The following KIDINS220 variants were observed in gnomAD, a reference collection of about 807,000 sequenced individuals.
KIDINS220 encodes the protein kinase D interacting substrate 220.
KIDINS220 carries 63 observed loss-of-function variants against 157.6 expected under a neutral mutation model. The ratio of observed to expected loss-of-function variants is 0.40; its 90% CI spans 0.33 to 0.49. KIDINS220 has a LOEUF of 0.49. KIDINS220 is among the 20% of genes least tolerant of loss of function. The pLI, the probability that KIDINS220 is intolerant of heterozygous loss-of-function variation, is 0.66. For missense variants in KIDINS220, 1,772 were observed against 2,171.2 expected (o/e 0.82, Z 3.65); for synonymous variants, 732 against 783.6 (o/e 0.93, Z 1.10).
At chr2:8,821,325 C>T (rs78678891) in intron 2 of KIDINS220, among the ~76,000 whole-genome samples, 9,625 of 151,410 alleles carry the variant, frequency 0.064, 976 homozygotes, top group African/African-American at 0.22. Context: ...GGGCTTGTTG[C>T]GGGTGGCAAT....
At chr2:8,734,472 G>A (rs1664593281) in intron 28 of KIDINS220, among the ~76,000 whole-genome samples, 183 bp downstream of exon 28, 1 of 152,228 alleles carries the variant, frequency 6.6e-6, no homozygotes, top group Middle Eastern at 3.4e-3. Context: ...GCTGCTGTGT[G>A]TATTTTCCAC....
Position 8,734,764 on chromosome 2 carries a change from A to G in KIDINS220, c.3718-11T>C, listed in dbSNP as rs984192913. On this transcript the variant is annotated splice_polypyrimidine_tract_variant and intron_variant, in intron 27 of 29. Coordinates refer to ENST00000256707, the MANE Select transcript of KIDINS220 (RefSeq NM_020738.4). The stretch of plus-strand genomic sequence containing the variant: ...GCCATTTATGTTTGCCTGAGTAAAA[A>G]TTAAAACAATTATGGGTATAAAGAC... 1 of 1,565,374 alleles carries G rather than the reference A, an allele frequency of 6.4e-7. No homozygotes were observed. The highest frequency in any genetic ancestry group is 2.2e-5 in the East Asian group (1 of 44,624).
At chr2:8,722,505 T>A (rs896519350), downstream of KIDINS220, 6 of 152,164 alleles carry the variant, frequency 3.9e-5, no homozygotes, top group Non-Finnish European at 7.3e-5. Flanking sequence ...CAGGAACACA[T>A]CCTGCCACAT....
At position 8,806,352 on chromosome 2, in the gene KIDINS220, T is replaced by A; in HGVS notation, c.522A>T (p.Leu174Phe). 1 of 1,607,742 alleles carries A rather than the reference T, an allele frequency of 6.2e-7. No homozygotes were observed. ...NCSDKYGTTP[L>F]VWAARKGHLE... is the part of the protein sequence containing the mutation. ...AATGACCCTTTCGTGCAGCCCAAACTAAAGGGGTGGTTCCATACTATTAAA... is the reference window on the plus strand; with the variant it reads ...AATGACCCTTTCGTGCAGCCCAAACAAAAGGGGTGGTTCCATACTATTAAA... The change falls in exon 7 of 30, where the codon TTA (leucine) becomes TTT (phenylalanine). Residue 174 changes from leucine to phenylalanine, a missense_variant. Around this residue, in one of 3 missense-constraint regions of KIDINS220, gnomAD observed 254 missense variants for 268.6 expected, o/e 0.95. Transcript: ENST00000256707.
Position 8,731,346 on chromosome 2 carries a change from T to C in KIDINS220, c.4690A>G (p.Arg1564Gly). 1 of 1,614,248 alleles carries C rather than the reference T, an allele frequency of 6.2e-7. No individual in the cohort carries two copies. The highest frequency in any genetic ancestry group is 8.5e-7 in the Non-Finnish European group (1 of 1,180,036). The change falls in exon 30 of 30, where the codon AGA becomes GGA. Residue 1564 changes from arginine (R) to glycine (G), a missense_variant. Physicochemically the swap from Arg to Gly is moderately radical, Grantham distance 125. Transcript: ENST00000256707. The surrounding 1 kb of genome is among the most constrained non-coding windows in gnomAD (Gnocchi z 5.2). ...TACTCTTTGGCTTTAATGAAGGTTC[T>C]GATCGGCTCAGCACTGTGTTCTGGA... The part of the protein sequence containing the change: ...KSPEHSAEPI[R>G]TFIKAKEYLS...
chr2:8,831,007 C>A (rs1446445748), intron 1 of KIDINS220, among the ~76,000 whole-genome samples: 3 of 152,216 alleles, frequency 2.0e-5, no homozygotes, highest in Non-Finnish European at 4.4e-5. Context: ...TCTCTCCAGG[C>A]CTGCCACCTG....
Position 8,770,789 on chromosome 2 carries a change from C to A in KIDINS220, c.2892G>T (p.Arg964Ser), listed in dbSNP as rs754741657. The change falls in exon 22 of 30, where the codon AGG becomes AGT. Residue 964 changes from arginine to serine, a missense_variant. By Grantham distance (110) the Arg-to-Ser change is moderately radical (BLOSUM62 -1). Around this residue, in one of 3 missense-constraint regions of KIDINS220, gnomAD observed 725 missense variants for 1,017.1 expected, o/e 0.71. Coordinates refer to ENST00000256707, the MANE Select transcript of KIDINS220 (RefSeq NM_020738.4). ...RANQISFNWD[R>S]LASWINLTEQ... ...CAGTAAGGTTGATCCAGCTAGCAAG[C>A]CTGTCCCAGTTGAAACTAATCTGAT... is the stretch of plus-strand genomic sequence containing the variant. 1 of 1,611,660 alleles carries A rather than the reference C, an allele frequency of 6.2e-7. No homozygotes were observed.
intron 26 of KIDINS220, among the ~76,000 whole-genome samples, chr2:8,745,083 A>G (rs1666355559): frequency 1.3e-5 from 2 of 152,206 alleles, no homozygotes; most frequent in African/African-American, 2.4e-5. Context: ...CCCTAAAAGA[A>G]ACTACAGACA....
At chr2:8,761,783 A>T (rs1572543775) in intron 22 of KIDINS220, among the ~76,000 whole-genome samples, 1 of 152,230 alleles carries the variant, frequency 6.6e-6, no homozygotes, top group East Asian at 1.9e-4. Context: ...AATATTGCTA[A>T]CAGGAGCCAC....
intron 1 of KIDINS220, among the ~76,000 whole-genome samples, chr2:8,834,929 A>G (rs192163951): frequency 5.3e-5 from 8 of 152,230 alleles, no homozygotes; most frequent in African/African-American, 1.9e-4. Flanking sequence ...GCAGACTCAA[A>G]CTCCTGGACT....
rs1437327249 is a variant in KIDINS220, at chr2:8,733,530, G to A, written c.3967C>T (p.Pro1323Ser). The change falls in exon 29 of 30, where the codon CCC becomes TCC. Residue 1323 changes from proline (P) to serine (S), a missense_variant. By Grantham distance (74) the Pro-to-Ser change is moderately conservative. Around this residue, in one of 3 missense-constraint regions of KIDINS220, gnomAD observed 793 missense variants for 885.5 expected, o/e 0.90. Coordinates refer to ENST00000256707, the MANE Select transcript of KIDINS220 (RefSeq NM_020738.4). The stretch of plus-strand genomic sequence containing the variant: ...TCGAAGCTGAAGTTGAGTGTGTAGG[G>A]CGTCTGGCTGGAGAGCTCGGTGTGA... Reference protein sequence around the residue: ...LPHTELSSQTPYTLNFSFEEL... With the variant: ...LPHTELSSQTSYTLNFSFEEL... The A allele has an allele frequency of 6.2e-7, 1 of 1,614,026 alleles. No homozygotes were observed. Among genetic ancestry groups the A allele is most frequent in the East Asian group, 2.2e-5 (1 of 44,898 alleles).
chr2:8,794,109 C>T, intron 11 of KIDINS220, 122 bp from the exon 12 acceptor site: 2 of 680,502 alleles, frequency 2.9e-6, no homozygotes, highest in Non-Finnish European at 2.3e-6. Flanking sequence ...TCATATAAAG[C>T]ACATATATAA....
intron 10 of KIDINS220, among the ~76,000 whole-genome samples, chr2:8,797,383 G>A (rs914378812): frequency 6.6e-6 from 1 of 152,212 alleles, no homozygotes; most frequent in Non-Finnish European, 1.5e-5. Flanking sequence ...AACAAGAAGA[G>A]ACCACAATTC....
At chr2:8,826,505 G>A (rs1161800787) in intron 2 of KIDINS220, among the ~76,000 whole-genome samples, 1 of 152,218 alleles carries the variant, frequency 6.6e-6, no homozygotes. Flanking sequence ...CTACTAGGGA[G>A]GCTGAGGCAG....
intron 22 of KIDINS220, among the ~76,000 whole-genome samples, chr2:8,762,561 C>T (rs903281081): frequency 2.6e-5 from 4 of 152,078 alleles, no homozygotes; most frequent in Non-Finnish European, 5.9e-5. Context: ...CACAGTGAAA[C>T]CCCGTCTCTA....
intron 24 of KIDINS220, among the ~76,000 whole-genome samples, chr2:8,748,814 T>G (rs1666921442): frequency 6.6e-6 from 1 of 152,196 alleles, no homozygotes; most frequent in African/African-American, 2.4e-5. Context: ...CTGTAAATGT[T>G]TTTAAAAATG....
chr2:8,797,145 G>A (rs1384485544), intron 10 of KIDINS220, among the ~76,000 whole-genome samples: 1 of 152,114 alleles, frequency 6.6e-6, no homozygotes, highest in Non-Finnish European at 1.5e-5. Flanking sequence ...CCTACCCCAG[G>A]TTCTACCACT....
intron 6 of KIDINS220, among the ~76,000 whole-genome samples, chr2:8,807,051 C>G (rs1675546819): frequency 6.6e-6 from 1 of 152,188 alleles, no homozygotes; most frequent in Admixed American, 6.5e-5. Context: ...ACTAAAGTGG[C>G]CTAACCACTT....
In KIDINS220 at chr2:8,788,731, A is replaced by G. The variant is rs761237139; in HGVS notation, c.1703T>C (p.Ile568Thr). Residue 568 changes from isoleucine (I) to threonine (T), a missense_variant, in exon 15 of 30, where the codon ATT becomes ACT. Coordinates refer to ENST00000256707, the MANE Select transcript of KIDINS220 (RefSeq NM_020738.4). ...TTTAAGGAGGAGTTCCAAATATCCA[A>G]TATGTCTTGCCAATCTAGTGCTGAG... is the stretch of plus-strand genomic sequence containing the variant. ...WVLSTRLARH[I>T]GYLELLLKLM... 6 of 1,613,994 alleles carry G rather than the reference A, an allele frequency of 3.7e-6. No individual in the cohort carries two copies. The African/African-American group carries it at 6.7e-5, about 18-fold the overall frequency.
Sources: allele counts gnomAD v4.1 joint callset (sites outside exome capture counted in the v4.1 genomes callset), GRCh38; gene constraint gnomAD v4.1.1; regional missense constraint gnomAD v4.1.1; non-coding constraint Gnocchi (gnomAD v3.1); transcripts MANE v1.5; gene names NCBI Gene and HGNC (gene_info 2026-07-23, HGNC 2026-07-21).